Variants in ZFHX4 observed in about 807,000 individuals in gnomAD.
The protein encoded by ZFHX4 is zinc finger homeobox protein 4.
A neutral mutation model predicts 267.6 loss-of-function variants in ZFHX4; 56 were observed. The ratio of observed to expected loss-of-function variants is 0.21; its 90% CI spans 0.17 to 0.26. The LOEUF is 0.26. Ranked by LOEUF, ZFHX4 falls within the 10% of genes least tolerant of loss-of-function variation. ZFHX4 has a pLI of 1.00. For missense variants in ZFHX4, 4,332 were observed against 4,420.0 expected (o/e 0.98, Z 0.56); for synonymous variants, 1,778 against 1,665.6 (o/e 1.07, Z -1.64).
At chr8:76,816,401 A>G (rs1224014990) in intron 4 of ZFHX4, among the ~76,000 whole-genome samples, 1 of 152,038 alleles carries the variant, frequency 6.6e-6, no homozygotes, top group Non-Finnish European at 1.5e-5. Context: ...CCTCAAGAAT[A>G]TTTGGCTCCT....
chr8:76,833,417 C>T lies in ZFHX4; in HGVS notation c.3394+11C>T, dbSNP rs1811990234. The T allele has an allele frequency of 6.3e-7, 1 of 1,590,662 alleles. No homozygotes were observed. The highest frequency in any genetic ancestry group is 1.1e-5 in the South Asian group (1 of 87,904). On this transcript the variant is annotated intron_variant, in intron 5 of 10. Coordinates refer to ENST00000651372, the MANE Select transcript of ZFHX4 (RefSeq NM_024721.5). ...TGAGATCGACCTCAGGTAATGGTTC[C>T]TACTCCTTCTCAAAATATTTCCTTG... is the stretch of plus-strand genomic sequence containing the variant.
intron 4 of ZFHX4, among the ~76,000 whole-genome samples, chr8:76,828,901 ATATTT>A (rs1811856366): frequency 6.6e-6 from 1 of 152,206 alleles, no homozygotes; most frequent in African/African-American, 2.4e-5. Flanking sequence ...CTGGTGGTAT[ATATTT>A]TATTTTATGT....
chr8:76,735,032 T>G (rs978818173), intron 3 of ZFHX4, among the ~76,000 whole-genome samples: 4 of 152,172 alleles, frequency 2.6e-5, no homozygotes, highest in Non-Finnish European at 4.4e-5. Context: ...GAACCAAGTC[T>G]ATCCTAGGGT....
intron 1 of ZFHX4, among the ~76,000 whole-genome samples, chr8:76,691,214 G>T (rs952564667): frequency 1.3e-5 from 2 of 152,026 alleles, no homozygotes; most frequent in African/African-American, 4.8e-5. Flanking sequence ...CTCTGTTATC[G>T]ACAGGAGACA....
At chr8:76,833,116 C>T (rs899991525) in intron 4 of ZFHX4, among the ~76,000 whole-genome samples, 79 of 152,154 alleles carry the variant, frequency 5.2e-4, no homozygotes, top group Middle Eastern at 6.8e-3. Context: ...TGTGTTTGTT[C>T]TGTGCTGCTA....
chr8:76,706,116 T>C lies in ZFHX4; in HGVS notation c.2028T>C (p.Tyr676=). The C allele has an allele frequency of 1.2e-6, 2 of 1,613,686 alleles. No individual in the cohort carries two copies. Among genetic ancestry groups the C allele is most frequent in the African/African-American group, 1.3e-5 (1 of 74,980 alleles). ...KHPEPGGSCV[Y]CKTGQPHPRL... is the part of the protein sequence containing the mutation. ...CTGAGCCGGGTGGCTCTTGTGTTTA[T>C]TGTAAGACTGGACAGCCTCACCCCA... The change falls in exon 2 of 11, where the codon TAT becomes TAC. Residue 676 remains tyrosine, a synonymous_variant. Transcript: ENST00000651372.
chr8:76,795,840 T>C (rs1050834827), intron 4 of ZFHX4, among the ~76,000 whole-genome samples: 1 of 152,188 alleles, frequency 6.6e-6, no homozygotes, highest in Admixed American at 6.6e-5. Context: ...CCACAGCTTA[T>C]TGAATATTTG....
At chr8:76,797,109 T>C (rs1203903951) in intron 4 of ZFHX4, among the ~76,000 whole-genome samples, 1 of 152,156 alleles carries the variant, frequency 6.6e-6, no homozygotes, top group Non-Finnish European at 1.5e-5. Context: ...AGGCCAGCTA[T>C]TTTGTCGTAT....
chr8:76,844,972 G>A (rs180697936), intron 6 of ZFHX4, among the ~76,000 whole-genome samples: 32 of 152,054 alleles, frequency 2.1e-4, no homozygotes, highest in Admixed American at 1.0e-3. Context: ...TACATTTATT[G>A]TTTTTCTCTA....
chr8:76,775,965 G>A (rs1484815142), intron 3 of ZFHX4, among the ~76,000 whole-genome samples: 1 of 151,646 alleles, frequency 6.6e-6, no homozygotes, highest in Non-Finnish European at 1.5e-5. Context: ...AGTCTGAATG[G>A]CTGTGGCCTG....
In ZFHX4 at chr8:76,852,696, C is replaced by G. The variant is rs1480256519; in HGVS notation, c.5775C>G (p.Asn1925Lys). ...NFGFELVIQY[N>K]ENRQKVQKKG... is the part of the protein sequence containing the mutation. ...GTTTTGAACTGGTCATTCAGTATAA[C>G]GAAAACAGGCAGAAGGTACAGAAGA... Residue 1925 changes from asparagine (N) to lysine (K), a missense_variant, in exon 10 of 11, where the codon AAC becomes AAG. Coordinates refer to ENST00000651372, the MANE Select transcript of ZFHX4 (RefSeq NM_024721.5). The G allele has an allele frequency of 6.2e-7, 1 of 1,613,770 alleles. No homozygotes were observed. The highest frequency in any genetic ancestry group is 8.5e-7 in the Non-Finnish European group (1 of 1,179,834).
intron 3 of ZFHX4, among the ~76,000 whole-genome samples, chr8:76,767,740 CA>C (rs1444570242): frequency 6.6e-6 from 1 of 152,132 alleles, no homozygotes; most frequent in Non-Finnish European, 1.5e-5. Flanking sequence ...GGGCTCTCAA[CA>C]AAACTTTGTT....
chr8:76,801,215 C>A (rs1350570778), intron 4 of ZFHX4, among the ~76,000 whole-genome samples: 1 of 151,850 alleles, frequency 6.6e-6, no homozygotes, highest in East Asian at 1.9e-4. Context: ...GTGCATTTGT[C>A]ATTTAGAAGT....
intron 3 of ZFHX4, among the ~76,000 whole-genome samples, chr8:76,755,056 A>C (rs1809726857): frequency 1.3e-5 from 2 of 152,188 alleles, no homozygotes; most frequent in South Asian, 4.1e-4. Flanking sequence ...CATTCTATTA[A>C]ATCTTTTCTA....
chr8:76,807,531 G>A (rs1811275455), intron 4 of ZFHX4, among the ~76,000 whole-genome samples: 1 of 152,076 alleles, frequency 6.6e-6, no homozygotes, highest in Non-Finnish European at 1.5e-5. Flanking sequence ...GTATAGTGAA[G>A]AATATGAGGA....
At chr8:76,804,027 C>G (rs557212386) in intron 4 of ZFHX4, among the ~76,000 whole-genome samples, 1 of 152,024 alleles carries the variant, frequency 6.6e-6, no homozygotes, top group Non-Finnish European at 1.5e-5. Flanking sequence ...AAAATACTCA[C>G]CTCAAAATGC....
At chr8:76,709,341 G>C (rs1403041188) in intron 3 of ZFHX4, among the ~76,000 whole-genome samples, 2 of 152,182 alleles carry the variant, frequency 1.3e-5, no homozygotes, top group African/African-American at 4.8e-5. Flanking sequence ...ACGTTACAGA[G>C]TTTGAAGGGA....
rs1308034473 is a variant in ZFHX4 at position 76,863,956 on chromosome 8, T to A, written c.10242T>A (p.Asp3414Glu). Reference sequence around the variant, plus strand: ...GAAAGTGCCAGATGATGTTTACTGATGAAGACGCCGCAGTAAATCATCAAA... The same window carrying A: ...GAAAGTGCCAGATGATGTTTACTGAAGAAGACGCCGCAGTAAATCATCAAA... ...ICRKCQMMFT[D>E]EDAAVNHQKS... is the part of the protein sequence containing the mutation. Residue 3414 changes from aspartate to glutamate, a missense_variant, in exon 11 of 11, where the codon GAT becomes GAA. Physicochemically the swap from Asp to Glu is conservative, Grantham distance 45. Around this residue, in one of 7 missense-constraint regions of ZFHX4, gnomAD observed 1,648 missense variants for 1,625.0 expected, o/e 1.01. Coordinates refer to ENST00000651372, the MANE Select transcript of ZFHX4 (RefSeq NM_024721.5). 6.2e-7 allele frequency: 1 copy of A among 1,609,750 alleles called. No individual in the cohort carries two copies. Among genetic ancestry groups the A allele is most frequent in the South Asian group, 1.1e-5 (1 of 90,292 alleles).
At chr8:76,691,623 C>T (rs1391249546) in intron 1 of ZFHX4, among the ~76,000 whole-genome samples, 1 of 152,080 alleles carries the variant, frequency 6.6e-6, no homozygotes, top group African/African-American at 2.4e-5. Flanking sequence ...CAACCCAATG[C>T]TTAATAGGAA....
Sources: allele counts gnomAD v4.1 joint callset (sites outside exome capture counted in the v4.1 genomes callset), GRCh38; gene constraint gnomAD v4.1.1; regional missense constraint gnomAD v4.1.1; transcripts MANE v1.5; gene names NCBI Gene and HGNC (gene_info 2026-07-23, HGNC 2026-07-21).